The following KAZN variants were observed in gnomAD, a reference collection of about 807,000 sequenced individuals.
KAZN encodes the protein kazrin, periplakin interacting protein.
A neutral mutation model predicts 87.4 loss-of-function variants in KAZN; 40 were observed. The observed-to-expected ratio is 0.46, with a 90% confidence interval of 0.36 to 0.60. The LOEUF (loss-of-function observed/expected upper bound fraction) is 0.60, where lower values mean the gene tolerates loss of function less well. KAZN is among the 20% of genes least tolerant of loss of function. KAZN has a pLI of 0.00. For synonymous variants in KAZN, 466 were observed against 458.3 expected (o/e 1.02, Z -0.22); for missense variants, 898 against 1,073.9 (o/e 0.84, Z 2.29).
chr1:14,916,170 CTT>C (rs71307000), intron 1 of KAZN, among the ~76,000 whole-genome samples: 5 of 113,576 alleles, frequency 4.4e-5, no homozygotes, highest in African/African-American at 1.7e-4. Flanking sequence ...CACTGTTGTT[CTT>C]TTTTTTTTTT....
chr1:14,814,547 G>GTCTC (rs1307330355), intron 1 of KAZN, among the ~76,000 whole-genome samples: 1 of 152,218 alleles, frequency 6.6e-6, no homozygotes, highest in African/African-American at 2.4e-5. Context: ...CCTGCTGCCA[G>GTCTC]TCTCTGCCCC....
intron 1 of KAZN, among the ~76,000 whole-genome samples, chr1:14,886,027 C>T (rs1307811265): frequency 6.6e-6 from 1 of 152,068 alleles, no homozygotes; most frequent in Non-Finnish European, 1.5e-5. Context: ...CCCGCCCCAC[C>T]CCACAACACC....
chr1:14,344,163 CTTTTTTT>C (rs55837460), intron 2 of KAZN, among the ~76,000 whole-genome samples: 4 of 122,636 alleles, frequency 3.3e-5, no homozygotes, highest in Non-Finnish European at 5.0e-5. Flanking sequence ...TTCATGTATT[CTTTTTTT>C]TTTTTTTTTT....
intron 2 of KAZN, among the ~76,000 whole-genome samples, chr1:14,465,177 A>C (rs1284437925): frequency 6.6e-6 from 1 of 151,832 alleles, no homozygotes; most frequent in African/African-American, 2.4e-5. Flanking sequence ...AGGCAGGTGG[A>C]TCACGAGGTC....
intron 1 of KAZN, among the ~76,000 whole-genome samples, chr1:14,890,130 A>G (rs1006479323): frequency 4.6e-5 from 7 of 152,176 alleles, no homozygotes; most frequent in African/African-American, 1.7e-4. Context: ...GCTTCCCAGA[A>G]CTTGCTGAAC....
At chr1:14,745,383 G>T (rs990500218) in intron 1 of KAZN, among the ~76,000 whole-genome samples, 1 of 151,862 alleles carries the variant, frequency 6.6e-6, no homozygotes, top group Non-Finnish European at 1.5e-5. Flanking sequence ...GGTAAATAAA[G>T]AATCCCCTGG....
Position 13,984,591 on chromosome 1 carries a change from G to T in KAZN, c.91+90835G>T, listed in dbSNP as rs536150758. On this transcript the variant is annotated intron_variant, in intron 1 of 16. Coordinates refer to the KAZN transcript ENST00000636203. Reference sequence around the variant, plus strand: ...GTCATCTCAGTGTTATTTATGGGAGGCAAAAAGTGGAAGCAGTCTAACATT... The same window carrying T: ...GTCATCTCAGTGTTATTTATGGGAGTCAAAAAGTGGAAGCAGTCTAACATT... 2.0e-5 allele frequency among the ~76,000 whole-genome samples: 3 copies of T among 152,240 alleles called. No individual in the cohort carries two copies. In the South Asian group the frequency reaches 6.2e-4, roughly 32 times the overall value.
At chr1:14,764,745 C>T (rs535297448) in intron 1 of KAZN, among the ~76,000 whole-genome samples, 23 of 152,234 alleles carry the variant, frequency 1.5e-4, no homozygotes, top group Non-Finnish European at 3.1e-4. Flanking sequence ...CAGATCTGGA[C>T]TTGCTCTGGC....
chr1:14,881,698 G>A (rs1178842015), intron 1 of KAZN, among the ~76,000 whole-genome samples: 1 of 152,146 alleles, frequency 6.6e-6, no homozygotes. Context: ...CAAATCACCT[G>A]GAATCAAGTT....
chr1:14,495,943 G>A (rs765098648), intron 2 of KAZN, among the ~76,000 whole-genome samples: 31 of 152,284 alleles, frequency 2.0e-4, no homozygotes, highest in Admixed American at 3.3e-4. Context: ...GTCTTTAAGA[G>A]TGAAATATTG....
At chr1:14,866,016 C>G (rs1557569330) in intron 1 of KAZN, among the ~76,000 whole-genome samples, 5 of 152,160 alleles carry the variant, frequency 3.3e-5, no homozygotes, top group Admixed American at 2.6e-4. Flanking sequence ...CCTAGAACTG[C>G]AAGATGATAC....
At chr1:14,313,260 A>T (rs1185130398) in intron 2 of KAZN, among the ~76,000 whole-genome samples, 2 of 152,098 alleles carry the variant, frequency 1.3e-5, no homozygotes, top group Non-Finnish European at 2.9e-5. Context: ...TTGACATCTA[A>T]CATCATAGAT....
intron 1 of KAZN, among the ~76,000 whole-genome samples, chr1:14,014,851 G>A (rs892539212): frequency 2.0e-5 from 3 of 152,152 alleles, no homozygotes; most frequent in African/African-American, 4.8e-5. Flanking sequence ...ACCCTAATCC[G>A]ATTTGCACTA....
At chr1:14,141,316 C>T (rs988646419) in intron 1 of KAZN, among the ~76,000 whole-genome samples, 2 of 151,456 alleles carry the variant, frequency 1.3e-5, no homozygotes, top group Admixed American at 1.3e-4. Flanking sequence ...ACATGGGGAC[C>T]TGGCCGCAGA....
chr1:14,278,215 G>T (rs1652550324), intron 2 of KAZN, among the ~76,000 whole-genome samples: 1 of 147,062 alleles, frequency 6.8e-6, no homozygotes, highest in African/African-American at 2.5e-5. Flanking sequence ...AATTCTCAGA[G>T]ATTCATGTCT....
intron 1 of KAZN, among the ~76,000 whole-genome samples, chr1:14,100,745 G>A (rs539135358): frequency 6.6e-6 from 1 of 152,268 alleles, no homozygotes; most frequent in South Asian, 2.1e-4. Flanking sequence ...CAGTAGTTTA[G>A]GCACAGTGAG....
chr1:14,808,939 T>C (rs2100776079), intron 1 of KAZN, among the ~76,000 whole-genome samples: 1 of 152,216 alleles, frequency 6.6e-6, no homozygotes, highest in Middle Eastern at 3.4e-3. Flanking sequence ...GCTCCAAGCA[T>C]CACATCATAA....
chr1:14,229,710 G>A (rs1647628051), intron 2 of KAZN, among the ~76,000 whole-genome samples: 1 of 152,218 alleles, frequency 6.6e-6, no homozygotes, highest in Non-Finnish European at 1.5e-5. Flanking sequence ...CCCTGGAGAG[G>A]AATCCGCACT....
At chr1:14,521,335 G>A (rs1192384084) in intron 2 of KAZN, among the ~76,000 whole-genome samples, 2 of 152,138 alleles carry the variant, frequency 1.3e-5, no homozygotes, top group Non-Finnish European at 2.9e-5. Context: ...CTGCATTTAT[G>A]CCCCTCCAAC....
Sources: allele counts gnomAD v4.1 joint callset (sites outside exome capture counted in the v4.1 genomes callset), GRCh38; gene constraint gnomAD v4.1.1; transcripts MANE v1.5; gene names NCBI Gene and HGNC (gene_info 2026-07-23, HGNC 2026-07-21).